The following BBX variants were observed in gnomAD, a reference collection of about 807,000 sequenced individuals.
BBX encodes the protein HMG box transcription factor BBX.
Under a neutral mutation model 100.2 loss-of-function variants are expected in BBX, and 30 were observed. The observed-to-expected ratio is 0.30, with a 90% CI of 0.22 to 0.41. The LOEUF (loss-of-function observed/expected upper bound fraction) is 0.41. Among genes scored for constraint, BBX ranks in the 10% least tolerant of loss-of-function variants. BBX has a pLI of 1.00. For synonymous variants in BBX, 376 were observed against 388.1 expected, an observed-to-expected ratio of 0.97 and a Z score of 0.37; for missense variants, 1,023 against 1,129.8, an observed-to-expected ratio of 0.91 and a Z score of 1.35.
intron 2 of BBX, among the ~76,000 whole-genome samples, chr3:107,622,194 AT>A (rs2055827040): frequency 6.6e-6 from 1 of 152,186 alleles, no homozygotes. Flanking sequence ...GTCACGTGGT[AT>A]ACAACCTTTT....
chr3:107,675,538 C>CTA (rs1044518860), intron 3 of BBX, among the ~76,000 whole-genome samples: 1 of 152,162 alleles, frequency 6.6e-6, no homozygotes. Flanking sequence ...CCTCTCTTCT[C>CTA]ATGATCATGG....
chr3:107,591,870 A>T (rs1172917403), intron 2 of BBX, among the ~76,000 whole-genome samples: 2 of 152,222 alleles, frequency 1.3e-5, no homozygotes, highest in Non-Finnish European at 2.9e-5. Context: ...ATTATAGGTG[A>T]TTGAAATGTT....
At chr3:107,664,254 A>G (rs1276842570) in intron 3 of BBX, among the ~76,000 whole-genome samples, 1 of 152,180 alleles carries the variant, frequency 6.6e-6, no homozygotes, top group Non-Finnish European at 1.5e-5. Flanking sequence ...GTGATAGGAT[A>G]TGCCCAACCT....
chr3:107,558,345 G>A (rs76788306), intron 2 of BBX, among the ~76,000 whole-genome samples: 30 of 152,252 alleles, frequency 2.0e-4, no homozygotes, highest in Non-Finnish European at 3.5e-4. Flanking sequence ...ATAATTAGCC[G>A]GTTGTGGTGG....
At chr3:107,732,872 A>G in intron 6 of BBX, 84 bp from the exon 7 acceptor site, 1 of 1,098,234 alleles carries the variant, frequency 9.1e-7, no homozygotes, top group Non-Finnish European at 1.3e-6. Context: ...TCTGATTGCT[A>G]GTCTTTATGA....
In BBX at chr3:107,645,115, C is replaced by T. The variant is rs533737002; in HGVS notation, c.-83-721C>T. Among the ~76,000 whole-genome samples the T allele has an allele frequency of 2.0e-5, 3 of 152,204 alleles. No individual in the cohort carries two copies. In the South Asian group the frequency reaches 6.2e-4, roughly 32 times the overall value. On this transcript the variant is annotated intron_variant, in intron 2 of 17. Coordinates refer to ENST00000325805, the MANE Select transcript of BBX (RefSeq NM_001142568.3). Reference sequence around the variant, plus strand: ...TTAGTTGAGTGTGGATTTAGTTTCACCACTGAAGCAGCCTAAATTTGTCTT... The same window carrying T: ...TTAGTTGAGTGTGGATTTAGTTTCATCACTGAAGCAGCCTAAATTTGTCTT...
chr3:107,773,417 G>A lies in BBX; in HGVS notation c.1696G>A (p.Gly566Ser). The A allele has an allele frequency of 3.1e-6, 5 of 1,614,072 alleles. No homozygotes were observed. Among genetic ancestry groups the A allele is most frequent in the Non-Finnish European group, 4.2e-6 (5 of 1,179,984 alleles). ...TATTTCTGCTAGCAAGAACATTTCT[G>A]GTGAGACACCAGAGGGTATAAAAGC... ...ISISASKNIS[G>S]ETPEGIKAEP... is the part of the protein sequence containing the mutation. Residue 566 changes from glycine (G) to serine (S), a missense_variant, in exon 11 of 18, where the codon GGT becomes AGT. This residue lies in a region of BBX where 348 missense variants were observed against 353.2 expected (regional missense o/e 0.99). Transcript: ENST00000325805. This position sits in a 1 kb window ranked among gnomAD's most constrained non-coding sequence, Gnocchi z 4.1.
At chr3:107,697,704 T>A (rs983520912) in intron 3 of BBX, among the ~76,000 whole-genome samples, 1 of 151,910 alleles carries the variant, frequency 6.6e-6, no homozygotes. Flanking sequence ...GCAGGCCTCC[T>A]TGAGCTGTGG....
intron 2 of BBX, among the ~76,000 whole-genome samples, chr3:107,633,220 TAATG>T (rs1211928622): frequency 6.6e-6 from 1 of 152,104 alleles, no homozygotes; most frequent in Non-Finnish European, 1.5e-5. Context: ...AAATAGATAA[TAATG>T]CTATTTATTT....
chr3:107,782,667 C>T (rs1370034622), intron 13 of BBX, among the ~76,000 whole-genome samples: 1 of 152,066 alleles, frequency 6.6e-6, no homozygotes, highest in East Asian at 1.9e-4. Flanking sequence ...TGTCAGTGTC[C>T]TTCTGGCACC....
At chr3:107,799,261 A>C (rs887528007) in intron 16 of BBX, among the ~76,000 whole-genome samples, 1 of 152,186 alleles carries the variant, frequency 6.6e-6, no homozygotes. Flanking sequence ...TGCAGCCTGC[A>C]GGCCATGGGT....
intron 2 of BBX, among the ~76,000 whole-genome samples, chr3:107,562,211 C>T (rs2050554082): frequency 6.6e-6 from 1 of 152,152 alleles, no homozygotes; most frequent in African/African-American, 2.4e-5. Context: ...AATAAACACA[C>T]ATGGGATCCC....
chr3:107,591,622 G>A (rs1246487554), intron 2 of BBX, among the ~76,000 whole-genome samples: 3 of 152,100 alleles, frequency 2.0e-5, no homozygotes, highest in Admixed American at 2.0e-4. Flanking sequence ...CGAGTAGCTG[G>A]GACCACAGGC....
intron 10 of BBX, among the ~76,000 whole-genome samples, chr3:107,763,393 T>C (rs1452268071): frequency 2.0e-5 from 3 of 152,170 alleles, no homozygotes; most frequent in Non-Finnish European, 4.4e-5. Flanking sequence ...TTTCCACTGA[T>C]CATTTTATTA....
chr3:107,745,615 C>T (rs2064515708), intron 8 of BBX, among the ~76,000 whole-genome samples: 1 of 152,008 alleles, frequency 6.6e-6, no homozygotes, highest in Non-Finnish European at 1.5e-5. Context: ...CACATGCCAC[C>T]ATGCCCAACT....
At chr3:107,625,758 C>T (rs2056123035) in intron 2 of BBX, among the ~76,000 whole-genome samples, 1 of 152,200 alleles carries the variant, frequency 6.6e-6, no homozygotes, top group Non-Finnish European at 1.5e-5. Context: ...CATATAGGTG[C>T]CTTCATCTAG....
chr3:107,574,174 G>T, intron 2 of BBX, among the ~76,000 whole-genome samples: 1 of 152,192 alleles, frequency 6.6e-6, no homozygotes, highest in Non-Finnish European at 1.5e-5. Context: ...TAAGACCTTT[G>T]GAAGATTATA....
chr3:107,718,459 A>G (rs1454649933), intron 5 of BBX, among the ~76,000 whole-genome samples: 1 of 151,654 alleles, frequency 6.6e-6, no homozygotes. Context: ...CGTAACAGTA[A>G]TTAACAGTAA....
chr3:107,734,418 A>G (rs1476503631), intron 7 of BBX, among the ~76,000 whole-genome samples: 1 of 152,214 alleles, frequency 6.6e-6, no homozygotes, highest in Non-Finnish European at 1.5e-5. Flanking sequence ...AGTTTCTAAC[A>G]TAATAGCATT....
Sources: allele counts gnomAD v4.1 joint callset (sites outside exome capture counted in the v4.1 genomes callset), GRCh38; gene constraint gnomAD v4.1.1; regional missense constraint gnomAD v4.1.1; non-coding constraint Gnocchi (gnomAD v3.1); transcripts MANE v1.5; gene names NCBI Gene and HGNC (gene_info 2026-07-23, HGNC 2026-07-21).